The following CDON variants were observed in gnomAD, a reference collection of about 807,000 sequenced individuals.
CDON encodes cell adhesion molecule-related/down-regulated by oncogenes.
Under a neutral mutation model 120.9 loss-of-function variants are expected in CDON, and 73 were observed. The observed-to-expected ratio is 0.60, with a 90% confidence interval of 0.50 to 0.73. The LOEUF (loss-of-function observed/expected upper bound fraction) is 0.73, where lower values mean the gene tolerates loss of function less well. Among genes scored for constraint, CDON ranks in the 30% least tolerant of loss-of-function variants. The pLI is 0.00. For synonymous variants in CDON, 566 were observed against 573.5 expected (o/e 0.99, Z 0.19); for missense variants, 1,470 against 1,587.3 (o/e 0.93, Z 1.26).
chr11:125,996,821 C>A (rs1390652492), intron 12 of CDON, among the ~76,000 whole-genome samples: 1 of 149,312 alleles, frequency 6.7e-6, no homozygotes, highest in African/African-American at 2.5e-5. Flanking sequence ...TTTATTTTCA[C>A]ATTTTTATAC....
rs79224495 is a variant in CDON at position 125,966,557 on chromosome 11, C to T, written c.3357-4559G>A. Among the ~76,000 whole-genome samples the T allele has an allele frequency of 7.1e-3, 1,077 of 152,290 alleles. 15 individuals carry two copies. Among genetic ancestry groups the T allele is most frequent in the African/African-American group, 0.025 (1,040 of 41,554 alleles). On this transcript the variant is annotated intron_variant, in intron 18 of 19. Coordinates refer to ENST00000531738, the MANE Select transcript of CDON (RefSeq NM_001378964.1). The stretch of plus-strand genomic sequence containing the variant: ...AGGAGAGAATGCAACAGAAGCCGCA[C>T]TGGAGACACAGAAGCTAAGAGTTTT...
chr11:126,015,088 AC>A (rs1366021211), intron 7 of CDON, 152 bp downstream of exon 7: 1 of 734,136 alleles, frequency 1.4e-6, no homozygotes, highest in Admixed American at 2.5e-5. Context: ...GGAAATGCCT[AC>A]CTGTCACTAG....
At chr11:125,968,950 A>G (rs1400536662) in intron 18 of CDON, among the ~76,000 whole-genome samples, 1 of 152,256 alleles carries the variant, frequency 6.6e-6, no homozygotes, top group Non-Finnish European at 1.5e-5. Flanking sequence ...TCTGCTAAAA[A>G]GGAACATAGT....
Position 126,015,452 on chromosome 11 carries a change from T to C in CDON, c.987A>G (p.Val329=), listed in dbSNP as rs1422239954. ...TCCCATGAACGTCGCAGGTAAAGTG[T>C]ACTGTGGCACCCAGAGACACTATCT... ...QDQIVSLGAT[V]HFTCDVHGNP... is the part of the protein sequence containing the mutation. The change falls in exon 7 of 20, where the codon GTA becomes GTG. Residue 329 remains valine, a synonymous_variant. Transcript: ENST00000531738. 1 of 1,614,090 alleles carries C rather than the reference T, an allele frequency of 6.2e-7. No individual in the cohort carries two copies. The highest frequency in any genetic ancestry group is 2.2e-5 in the East Asian group (1 of 44,846).
Position 126,004,017 on chromosome 11 carries a change from T to A in CDON, c.1911A>T (p.Glu637Asp). The A allele has an allele frequency of 6.2e-7, 1 of 1,614,010 alleles. No homozygotes were observed. The highest frequency in any genetic ancestry group is 8.5e-7 in the Non-Finnish European group (1 of 1,180,000). Reference sequence around the variant, plus strand: ...CCAGCTCAGCTAAATGGAGCTCATTTTCACTTCCTGGGACTCGAACCGTGT... The same window carrying A: ...CCAGCTCAGCTAAATGGAGCTCATTATCACTTCCTGGGACTCGAACCGTGT... ...SWHTVRVPGS[E>D]NELHLAELEP... The change falls in exon 10 of 20, where the codon GAA becomes GAT. Residue 637 changes from glutamate to aspartate, a missense_variant. Glu to Asp is a conservative substitution (Grantham distance 45). Transcript: ENST00000531738.
At chr11:126,057,593 G>A (rs545575254) in intron 1 of CDON, among the ~76,000 whole-genome samples, 1 of 152,268 alleles carries the variant, frequency 6.6e-6, no homozygotes, top group East Asian at 1.9e-4. Context: ...CCAAGGAAAT[G>A]TTCTATATCT....
chr11:126,034,645 A>T lies in CDON; in HGVS notation c.-61-11108T>A, dbSNP rs904839429. Among the ~76,000 whole-genome samples, 2 of 152,210 alleles carry T rather than the reference A, an allele frequency of 1.3e-5. No homozygotes were observed. Among genetic ancestry groups the T allele is most frequent in the Non-Finnish European group, 2.9e-5 (2 of 68,032 alleles). Reference sequence around the variant, plus strand: ...AATTGTGAAGATAATCCTGGCATCCACAGTGGGTTGTACAGGAGCATTATA... The same window carrying T: ...AATTGTGAAGATAATCCTGGCATCCTCAGTGGGTTGTACAGGAGCATTATA... On this transcript the variant is annotated intron_variant, in intron 1 of 19. Transcript: ENST00000531738. The surrounding 1 kb of genome is among the most constrained non-coding windows in gnomAD (Gnocchi z 4.5).
At chr11:126,062,534 GCCACCCCTCCCTCCGA>G (rs1278214745) in intron 1 of CDON, 29 bp downstream of exon 1, 1 of 152,262 alleles carries the variant, frequency 6.6e-6, no homozygotes. Context: ...GTGCCCGCGC[GCCACCCCTCCCTCCGA>G]CCCTGCGGCG....
chr11:125,986,704 G>A (rs141370719), intron 15 of CDON, among the ~76,000 whole-genome samples: 3,784 of 151,710 alleles, frequency 0.025, 157 homozygotes, highest in African/African-American at 0.084. Flanking sequence ...GGCAGAGATT[G>A]CAGTGAGCCA....
intron 14 of CDON, among the ~76,000 whole-genome samples, chr11:125,991,741 A>G (rs1946637045): frequency 6.6e-6 from 1 of 152,198 alleles, no homozygotes; most frequent in Non-Finnish European, 1.5e-5. Context: ...AACTGCTACA[A>G]AAAGAATTTC....
At position 125,958,362 on chromosome 11, in the gene CDON, C is replaced by G. The variant is rs886047952; in HGVS notation, c.*2580G>C. 2 of 152,016 alleles carry G rather than the reference C, an allele frequency of 1.3e-5. No homozygotes were observed. Among genetic ancestry groups the G allele is most frequent in the South Asian group, 4.2e-4 (2 of 4,812 alleles). 9.4% of individuals were successfully genotyped at this position (152,016 alleles called of 1,614,324 possible). On this transcript the variant is annotated 3_prime_UTR_variant, in exon 20 of 20. Coordinates refer to ENST00000531738, the MANE Select transcript of CDON (RefSeq NM_001378964.1). ...TGGGGGTTAAATGAGTTAACAGTAA[C>G]AAGCACCGAGCACAGTGCCTGGTAC...
chr11:126,054,369 G>C (rs1400752196), intron 1 of CDON, among the ~76,000 whole-genome samples: 1 of 152,174 alleles, frequency 6.6e-6, no homozygotes, highest in East Asian at 1.9e-4. Flanking sequence ...ATATAAAATT[G>C]TTAAAATATT....
At chr11:125,996,495 T>A (rs191904279) in intron 12 of CDON, among the ~76,000 whole-genome samples, 58 of 151,334 alleles carry the variant, frequency 3.8e-4, no homozygotes, top group African/African-American at 1.3e-3. Context: ...GGTCAGGAGT[T>A]TGAGACCAGC....
At chr11:125,970,172 GTTTTTTTTTTT>G (rs36021097) in intron 18 of CDON, among the ~76,000 whole-genome samples, 3 of 103,186 alleles carry the variant, frequency 2.9e-5, no homozygotes, top group Admixed American at 1.1e-4. Flanking sequence ...GGTAGTTTAT[GTTTTTTTTTTT>G]TTTTTTTTTT....
intron 1 of CDON, among the ~76,000 whole-genome samples, chr11:126,024,440 G>A (rs1367202548): frequency 3.9e-5 from 6 of 152,154 alleles, no homozygotes; most frequent in Non-Finnish European, 5.9e-5. Flanking sequence ...ATATTATAAC[G>A]GTCGACCCAA....
At chr11:126,000,205 T>C (rs1364089175) in intron 11 of CDON, among the ~76,000 whole-genome samples, 1 of 139,076 alleles carries the variant, frequency 7.2e-6, no homozygotes, top group Non-Finnish European at 1.6e-5. Flanking sequence ...TCCACTATAC[T>C]GTAATTTTTT....
intron 1 of CDON, among the ~76,000 whole-genome samples, chr11:126,032,505 G>C (rs1219253758): frequency 6.6e-6 from 1 of 152,152 alleles, no homozygotes; most frequent in South Asian, 2.1e-4. Context: ...CTTTTATTCT[G>C]AGAGGAGGGT....
chr11:125,983,914 C>G lies in CDON; in HGVS notation c.2953G>C (p.Ala985Pro), dbSNP rs748475660. The change falls in exon 16 of 20, where the codon GCA becomes CCA. Residue 985 changes from alanine (A) to proline (P), a missense_variant. By Grantham distance (27) the Ala-to-Pro change is conservative. Coordinates refer to ENST00000531738, the MANE Select transcript of CDON (RefSeq NM_001378964.1). Reference sequence around the variant, plus strand: ...TGGCGATTCTTCCACAGGCACATTGCAATGAAAACCATCAGAATGAGGACC... The same window carrying G: ...TGGCGATTCTTCCACAGGCACATTGGAATGAAAACCATCAGAATGAGGACC... ...VMVLILMVFI[A>P]MCLWKNRQQN... 4 of 1,614,062 alleles carry G rather than the reference C, an allele frequency of 2.5e-6. No individual in the cohort carries two copies. Among genetic ancestry groups the G allele is most frequent in the South Asian group, 1.1e-5 (1 of 91,058 alleles).
intron 18 of CDON, among the ~76,000 whole-genome samples, chr11:125,966,107 A>G (rs1298276010): frequency 6.6e-6 from 1 of 151,596 alleles, no homozygotes; most frequent in African/African-American, 2.4e-5. Context: ...ATTGCACGCC[A>G]GCCTGGGCAA....
Sources: allele counts gnomAD v4.1 joint callset (sites outside exome capture counted in the v4.1 genomes callset), GRCh38; gene constraint gnomAD v4.1.1; non-coding constraint Gnocchi (gnomAD v3.1); transcripts MANE v1.5; gene names NCBI Gene and HGNC (gene_info 2026-07-23, HGNC 2026-07-21).